HIVEP3: variants seen among roughly 807,000 people sequenced by gnomAD.
HIVEP3 encodes transcription factor HIVEP3.
A neutral mutation model predicts 152.8 loss-of-function variants in HIVEP3; 49 were observed. The observed-to-expected ratio is 0.32, with a 90% CI of 0.26 to 0.41. The LOEUF (loss-of-function observed/expected upper bound fraction) is 0.41. Ranked by LOEUF, HIVEP3 falls within the 10% of genes least tolerant of loss-of-function variation. The probability of loss-of-function intolerance (pLI) is 1.00; values close to 1 mark genes in which losing one functional copy is unlikely to be tolerated. For missense variants in HIVEP3, 2,790 were observed against 3,103.3 expected (o/e 0.90, Z 2.40); for synonymous variants, 1,269 against 1,289.0 (o/e 0.98, Z 0.33).
chr1:42,009,313 T>G (rs80252787), intron 1 of HIVEP3, among the ~76,000 whole-genome samples: 2,170 of 152,316 alleles, frequency 0.014, 52 homozygotes, highest in African/African-American at 0.051. Flanking sequence ...GCTTTTATTC[T>G]TCTCTTTGGT....
At chr1:41,752,480 T>C (rs866428754) in intron 1 of HIVEP3, among the ~76,000 whole-genome samples, 11 of 152,114 alleles carry the variant, frequency 7.2e-5, no homozygotes, top group South Asian at 2.1e-4. Flanking sequence ...GGAGCTCCCA[T>C]GGGGCACAGG....
At chr1:41,914,137 C>G (rs1248447657) in intron 1 of HIVEP3, among the ~76,000 whole-genome samples, 1 of 152,174 alleles carries the variant, frequency 6.6e-6, no homozygotes, top group East Asian at 1.9e-4. Context: ...CAGTCATGTA[C>G]TCACCACTTC....
At chr1:41,522,270 C>A (rs1349160464) in intron 6 of HIVEP3, among the ~76,000 whole-genome samples, 2 of 152,240 alleles carry the variant, frequency 1.3e-5, no homozygotes, top group Non-Finnish European at 2.9e-5. Context: ...GCGCCCTGCT[C>A]TCCCTTCACC....
At chr1:41,723,014 C>G (rs931930993) in intron 1 of HIVEP3, among the ~76,000 whole-genome samples, 2 of 152,054 alleles carry the variant, frequency 1.3e-5, no homozygotes, top group Non-Finnish European at 2.9e-5. Flanking sequence ...GCAAGTTGCT[C>G]TAAAGGAATT....
At position 41,665,288 on chromosome 1, in the gene HIVEP3, G is replaced by A. The variant is rs527945466; in HGVS notation, c.-721+35628C>T. On this transcript the variant is annotated intron_variant, in intron 2 of 8. Transcript: ENST00000372583. The stretch of plus-strand genomic sequence containing the variant: ...CTCCACCAGTCTGCAGAAAGGCAGA[G>A]TTGAGGTGCAGGACACCTTTCCCAC... Among the ~76,000 whole-genome samples, 12 of 152,336 alleles carry A rather than the reference G, an allele frequency of 7.9e-5. No individual in the cohort carries two copies. The South Asian group carries it at 1.9e-3, about 24-fold the overall frequency.
At chr1:41,913,052 G>A (rs1373776905) in intron 1 of HIVEP3, among the ~76,000 whole-genome samples, 1 of 152,232 alleles carries the variant, frequency 6.6e-6, no homozygotes, top group Non-Finnish European at 1.5e-5. Context: ...TAGAGAGGGA[G>A]TCTTCTCAAA....
At position 41,560,246 on chromosome 1, in the gene HIVEP3, G is replaced by A. The variant is rs187886300; in HGVS notation, c.5207+15298C>T. ...CTATGATTATTCTCATTTTCTAGAT[G>A]AGAAGACTGAGCCAGAGAGGTTAAA... On this transcript the variant is annotated intron_variant, in intron 5 of 8. Coordinates refer to ENST00000372583, the MANE Select transcript of HIVEP3 (RefSeq NM_024503.5). 6.6e-5 allele frequency among the ~76,000 whole-genome samples: 10 copies of A among 152,322 alleles called. No homozygotes were observed. In the East Asian group the frequency reaches 1.5e-3, roughly 23 times the overall value.
chr1:41,657,681 A>G (rs1645649603), intron 2 of HIVEP3, among the ~76,000 whole-genome samples: 1 of 152,246 alleles, frequency 6.6e-6, no homozygotes, highest in Non-Finnish European at 1.5e-5. Context: ...CCTGTAGGTA[A>G]GTGTGAGCAT....
In HIVEP3 at chr1:41,788,155, C is replaced by T. The variant is rs76452950; in HGVS notation, c.-800-87160G>A. 2.8e-4 allele frequency among the ~76,000 whole-genome samples: 43 copies of T among 152,252 alleles called. No individual in the cohort carries two copies. The East Asian group carries it at 5.8e-3, about 21-fold the overall frequency. ...GCTTCAGACTATCCAGACAACCCAC[C>T]GCAAGGAGTGGCCACCCCCCGACAG... is the stretch of plus-strand genomic sequence containing the variant. On this transcript the variant is annotated intron_variant, in intron 1 of 8. Transcript: ENST00000372583.
chr1:41,581,397 T>C lies in HIVEP3; in HGVS notation c.3401A>G (p.His1134Arg), dbSNP rs762525916. The C allele has an allele frequency of 4.4e-6, 7 of 1,608,120 alleles. No individual in the cohort carries two copies. In the Admixed American group the frequency reaches 5.0e-5, roughly 12 times the overall value. The change falls in exon 4 of 9, where the codon CAT becomes CGT. Residue 1134 changes from histidine to arginine, a missense_variant. Transcript: ENST00000372583. The surrounding 1 kb of genome is among the most constrained non-coding windows in gnomAD (Gnocchi z 4.5). ...TGGTGGGGGCAGGTATGGCTTCTCA[T>C]GCAGGGGTGTCTGGGCAACGGGGTG... ...FHHPVAQTPL[H>R]EKPYLPPPVS...
chr1:42,005,542 TG>T (rs1160632578), intron 1 of HIVEP3, among the ~76,000 whole-genome samples: 2 of 152,134 alleles, frequency 1.3e-5, no homozygotes, highest in African/African-American at 4.8e-5. Context: ...GCTCAAACGA[TG>T]GGGGGCTACC....
chr1:41,780,725 T>C (rs1161459614), intron 1 of HIVEP3, among the ~76,000 whole-genome samples: 2 of 150,686 alleles, frequency 1.3e-5, no homozygotes, highest in South Asian at 4.2e-4. Flanking sequence ...GGCTCGGGAG[T>C]CTGAACAGCC....
intron 1 of HIVEP3, among the ~76,000 whole-genome samples, chr1:41,832,620 G>A (rs1188411571): frequency 2.0e-5 from 3 of 152,182 alleles, no homozygotes; most frequent in Admixed American, 6.5e-5. Context: ...TTATCCACTC[G>A]TCTTTTTCCC....
intron 3 of HIVEP3, among the ~76,000 whole-genome samples, chr1:41,617,639 C>A (rs997322492): frequency 2.0e-5 from 3 of 152,240 alleles, no homozygotes; most frequent in African/African-American, 7.2e-5. Context: ...ATTGACAGTG[C>A]ACAGGAGATA....
intron 2 of HIVEP3, among the ~76,000 whole-genome samples, chr1:41,661,425 C>T (rs1218092300): frequency 6.6e-6 from 1 of 152,184 alleles, no homozygotes; most frequent in Admixed American, 6.5e-5. Context: ...CTCAGAAATG[C>T]CCCTGGAGTA....
chr1:41,982,237 C>A (rs1388338371), intron 1 of HIVEP3, among the ~76,000 whole-genome samples: 3 of 152,200 alleles, frequency 2.0e-5, no homozygotes, highest in Non-Finnish European at 4.4e-5. Flanking sequence ...TGAATGACAA[C>A]TAAAGTTTCG....
intron 1 of HIVEP3, among the ~76,000 whole-genome samples, chr1:41,885,930 A>G (rs916092756): frequency 6.6e-6 from 1 of 152,166 alleles, no homozygotes; most frequent in African/African-American, 2.4e-5. Flanking sequence ...CATTTTAAAG[A>G]TGAAGACCCC....
At chr1:41,801,776 C>T (rs1650323219) in intron 1 of HIVEP3, among the ~76,000 whole-genome samples, 1 of 152,060 alleles carries the variant, frequency 6.6e-6, no homozygotes. Context: ...AAAAAATGCC[C>T]CTAGGGGTCC....
At chr1:41,640,294 G>A (rs991475861) in intron 2 of HIVEP3, among the ~76,000 whole-genome samples, 1 of 151,852 alleles carries the variant, frequency 6.6e-6, no homozygotes, top group Admixed American at 6.6e-5. Flanking sequence ...GCGGGGGAAG[G>A]TAGGTGTGGG....
Sources: gnomAD v4.1 joint callset for allele counts (sites outside exome capture counted in the v4.1 genomes callset) on GRCh38, gnomAD v4.1.1 for gene constraint, Gnocchi (gnomAD v3.1) non-coding constraint, MANE v1.5 for transcripts, NCBI Gene and HGNC (gene_info 2026-07-23, HGNC 2026-07-21) for gene names.